Variants in BMI1 observed in about 807,000 individuals in gnomAD.
BMI1 encodes polycomb complex protein BMI-1.
BMI1 carries 9 observed loss-of-function variants against 39.1 expected under a neutral mutation model. The ratio of observed to expected loss-of-function variants is 0.23; its 90% CI spans 0.14 to 0.40. The LOEUF is 0.40. Among genes scored for constraint, BMI1 ranks in the 10% least tolerant of loss-of-function variants. The pLI, the probability that BMI1 is intolerant of heterozygous loss-of-function variation, is 1.00. For missense variants in BMI1, 252 were observed against 390.8 expected, an observed-to-expected ratio of 0.64 and a Z score of 2.99; for synonymous variants, 131 against 127.9, an observed-to-expected ratio of 1.02 and a Z score of -0.16.
intron 1 of BMI1, chr10:22,325,621 C>T (rs1409786686): frequency 1.4e-5 from 2 of 145,214 alleles, no homozygotes; most frequent in East Asian, 2.0e-4. Flanking sequence ...GCGCGCCGCC[C>T]CTCCCCCGCC....
chr10:22,330,618 C>T lies in BMI1; in HGVS notation c.*1076C>T, dbSNP rs1343153437. Reference sequence around the variant, plus strand: ...GTATTTTAAAAATGCATATTGATCACTATAATTCTAAAACAATTTTTTAAA... The same window carrying T: ...GTATTTTAAAAATGCATATTGATCATTATAATTCTAAAACAATTTTTTAAA... On this transcript the variant is annotated 3_prime_UTR_variant, in exon 10 of 10. Transcript: ENST00000376663. 1 of 152,146 alleles carries T rather than the reference C, an allele frequency of 6.6e-6. No homozygotes were observed. The highest frequency in any genetic ancestry group is 1.5e-5 in the Non-Finnish European group (1 of 68,006). 9.4% of individuals were successfully genotyped at this position (152,146 alleles called of 1,614,324 possible). A position where few individuals can be genotyped will look rare whatever the true frequency, so the allele number is the denominator to read the frequency against.
At chr10:22,322,469 T>G (rs766099283) in intron 1 of BMI1, among the ~76,000 whole-genome samples, 8 of 152,210 alleles carry the variant, frequency 5.3e-5, no homozygotes, top group Admixed American at 1.3e-4. Flanking sequence ...GTGTTTAAAA[T>G]GCTGAAGTTT....
Position 22,330,448 on chromosome 10 carries a change from G to A in BMI1, c.*906G>A, listed in dbSNP as rs1478962614. The stretch of plus-strand genomic sequence containing the variant: ...AATTCTAAAGTCTGTTCCATTAGAA[G>A]CAATTGGCACATCTTTCTATACTTT... On this transcript the variant is annotated 3_prime_UTR_variant, in exon 10 of 10. Coordinates refer to ENST00000376663, the MANE Select transcript of BMI1 (RefSeq NM_005180.9). The A allele has an allele frequency of 6.6e-6, 1 of 152,414 alleles. No homozygotes were observed. The highest frequency in any genetic ancestry group is 1.5e-5 in the Non-Finnish European group (1 of 68,000). 9.4% of individuals were successfully genotyped at this position (152,414 alleles called of 1,614,324 possible).
At chr10:22,328,883 C>T (rs1311737146) in intron 8 of BMI1, among the ~76,000 whole-genome samples, 165 bp from the exon 9 acceptor site, 1 of 152,154 alleles carries the variant, frequency 6.6e-6, no homozygotes, top group African/African-American at 2.4e-5. Flanking sequence ...AATCCCTTAA[C>T]ACTCTCTAGA....
In BMI1 at chr10:22,329,756, C is replaced by T. The variant is rs1836243754; in HGVS notation, c.*214C>T. ...GATTGTTGTTATAAAGAATTGGTTT[C>T]TTGGAAAGCAGGCAAGACTTTTTCT... is the stretch of plus-strand genomic sequence containing the variant. On this transcript the variant is annotated 3_prime_UTR_variant, in exon 10 of 10. Transcript: ENST00000376663. 1 of 597,806 alleles carries T rather than the reference C, an allele frequency of 1.7e-6. No individual in the cohort carries two copies. The highest frequency in any genetic ancestry group is 1.9e-5 in the African/African-American group (1 of 53,730). The allele number at this position is 597,806 out of a possible 1,614,324, so 37.0% of individuals were successfully genotyped here. A position where few individuals can be genotyped will look rare whatever the true frequency, so the allele number is the denominator to read the frequency against.
chr10:22,331,599 G>T (rs1836284143), downstream of BMI1: 1 of 152,054 alleles, frequency 6.6e-6, no homozygotes, highest in Admixed American at 6.6e-5. Flanking sequence ...TTTGTATAAA[G>T]AATGAAAAAA....
chr10:22,325,515 C>G (rs1836116111), intron 1 of BMI1: 1 of 150,976 alleles, frequency 6.6e-6, no homozygotes, highest in African/African-American at 2.4e-5. Context: ...CCCCGATCCC[C>G]GCTCCCCGCT....
At chr10:22,321,990 T>TCGGCGCCGCTCCAGC (rs1836015729) in intron 1 of BMI1, 1 of 144,422 alleles carries the variant, frequency 6.9e-6, no homozygotes, top group Non-Finnish European at 1.5e-5. Flanking sequence ...CCAGCAGGGC[T>TCGGCGCCGCTCCAGC]CGGCGCCGCT....
intron 5 of BMI1, 78 bp from the exon 6 acceptor site, chr10:22,327,872 T>TA (rs1836194546): frequency 6.3e-7 from 1 of 1,596,952 alleles, no homozygotes; most frequent in South Asian, 1.1e-5. Context: ...AAATTGACTT[T>TA]ACCACTTCCA....
At chr10:22,323,149 G>C (rs964831613) in intron 1 of BMI1, among the ~76,000 whole-genome samples, 3 of 152,162 alleles carry the variant, frequency 2.0e-5, no homozygotes, top group African/African-American at 7.2e-5. Context: ...CTAAACAGTT[G>C]ATATTTAAGG....
At chr10:22,325,324 G>A (rs987109016) in intron 1 of BMI1, among the ~76,000 whole-genome samples, 1 of 152,232 alleles carries the variant, frequency 6.6e-6, no homozygotes, top group African/African-American at 2.4e-5. Flanking sequence ...ATTTCTGACC[G>A]AGTGATTGCA....
downstream of BMI1, among the ~76,000 whole-genome samples, chr10:22,331,645 G>C (rs1836284947): frequency 6.6e-6 from 1 of 152,060 alleles, no homozygotes; most frequent in Admixed American, 6.5e-5. Flanking sequence ...AATGCTAGTG[G>C]ACTGTCATTT....
rs1180222180 is a variant in BMI1 at position 22,330,996 on chromosome 10, C to T, written c.*1454C>T. On this transcript the variant is annotated 3_prime_UTR_variant, in exon 10 of 10. Transcript: ENST00000376663. ...AAATTGTAGCTAAACATTTCATTGT[C>T]CCCAGTCTGCAAAAGAAGCACAATT... 1 of 152,468 alleles carries T rather than the reference C, an allele frequency of 6.6e-6. No homozygotes were observed. The highest frequency in any genetic ancestry group is 1.5e-5 in the Non-Finnish European group (1 of 67,968). The allele number at this position is 152,468 out of a possible 1,614,324, so 9.4% of individuals were successfully genotyped here. A position where few individuals can be genotyped will look rare whatever the true frequency, so the allele number is the denominator to read the frequency against.
chr10:22,327,200 T>C (rs1836175669), intron 3 of BMI1, among the ~76,000 whole-genome samples: 1 of 152,184 alleles, frequency 6.6e-6, no homozygotes, highest in African/African-American at 2.4e-5. Flanking sequence ...TTTAAGATTT[T>C]TTTTTCCTAA....
rs1331579759 is a variant in BMI1 at position 22,330,942 on chromosome 10, T to C, written c.*1400T>C. 1 of 152,616 alleles carries C rather than the reference T, an allele frequency of 6.6e-6. No individual in the cohort carries two copies. The allele number at this position is 152,616 out of a possible 1,614,324, so 9.5% of individuals were successfully genotyped here. ...GTTATTTGTGAGGGTGTTTATTCTA[T>C]ATGAATATTGTTTCATGTTTGTATG... On this transcript the variant is annotated 3_prime_UTR_variant, in exon 10 of 10. Coordinates refer to ENST00000376663, the MANE Select transcript of BMI1 (RefSeq NM_005180.9).
Position 22,331,370 on chromosome 10 carries a change from T to C in BMI1, c.*1828T>C, listed in dbSNP as rs1430639365. On this transcript the variant is annotated 3_prime_UTR_variant, in exon 10 of 10. Coordinates refer to ENST00000376663, the MANE Select transcript of BMI1 (RefSeq NM_005180.9). Reference sequence around the variant, plus strand: ...ACGTTAAAGAGAATACATTGCTGACTTATAGTGATGTGGCTAAGAAGTACA... The same window carrying C: ...ACGTTAAAGAGAATACATTGCTGACCTATAGTGATGTGGCTAAGAAGTACA... The C allele has an allele frequency of 1.3e-5, 2 of 152,174 alleles. No homozygotes were observed. Among genetic ancestry groups the C allele is most frequent in the Non-Finnish European group, 2.9e-5 (2 of 67,970 alleles). 9.4% of individuals were successfully genotyped at this position (152,174 alleles called of 1,614,324 possible).
rs1442585033 is a variant in BMI1 at position 22,328,196 on chromosome 10, A to G, written c.471+17A>G. The G allele has an allele frequency of 5.0e-6, 8 of 1,591,774 alleles. No individual in the cohort carries two copies. The highest frequency in any genetic ancestry group is 6.8e-6 in the Non-Finnish European group (8 of 1,173,450). ...AAGGAGGAGGTATGTTTCATGTTAC[A>G]AAAACATATAGAAGAAACATTGTTT... is the stretch of plus-strand genomic sequence containing the variant. On this transcript the variant is annotated intron_variant, in intron 7 of 9. Coordinates refer to ENST00000376663, the MANE Select transcript of BMI1 (RefSeq NM_005180.9).
At chr10:22,323,640 G>A (rs1836063423) in intron 1 of BMI1, among the ~76,000 whole-genome samples, 1 of 152,216 alleles carries the variant, frequency 6.6e-6, no homozygotes, top group African/African-American at 2.4e-5. Flanking sequence ...GTTAACATAA[G>A]AACTTGCTTC....
Position 22,328,049 on chromosome 10 carries a change from A to T in BMI1, c.416A>T (p.Asp139Val). The change falls in exon 6 of 10, where the codon GAC becomes GTC. Residue 139 changes from aspartate to valine, a missense_variant. Asp to Val is a radical substitution (Grantham distance 152, BLOSUM62 -3). This residue lies in a region of BMI1 where 67 missense variants were observed against 69.9 expected (regional missense o/e 0.96). Coordinates refer to ENST00000376663, the MANE Select transcript of BMI1 (RefSeq NM_005180.9). ...EIISLSIEFF[D>V]QNRLDRKVNK... ...ATAAGCTTATCCATTGAATTCTTTG[A>T]CCAGAACAGGTAAAATCTTTAGGCA... 1 of 1,603,358 alleles carries T rather than the reference A, an allele frequency of 6.2e-7. No individual in the cohort carries two copies. Among genetic ancestry groups the T allele is most frequent in the Non-Finnish European group, 8.5e-7 (1 of 1,177,016 alleles).
Sources: allele counts gnomAD v4.1 joint callset (sites outside exome capture counted in the v4.1 genomes callset), GRCh38; gene constraint gnomAD v4.1.1; regional missense constraint gnomAD v4.1.1; transcripts MANE v1.5; gene names NCBI Gene and HGNC (gene_info 2026-07-23, HGNC 2026-07-21).